PRKCQ: variants seen among roughly 807,000 people sequenced by gnomAD.
The protein encoded by PRKCQ is protein kinase C theta, also known as protein kinase C theta type.
PRKCQ carries 41 observed loss-of-function variants against 91.2 expected under a neutral mutation model. That is an observed-to-expected ratio of 0.45 (90% confidence interval 0.35 to 0.58). PRKCQ has a LOEUF of 0.58. Among genes scored for constraint, PRKCQ ranks in the 20% least tolerant of loss-of-function variants. The pLI, the probability that PRKCQ is intolerant of heterozygous loss-of-function variation, is 0.00. For synonymous variants in PRKCQ, 307 were observed against 316.9 expected (o/e 0.97, Z 0.33); for missense variants, 673 against 896.5 (o/e 0.75, Z 3.18).
intron 1 of PRKCQ, among the ~76,000 whole-genome samples, chr10:6,559,858 A>G (rs1167919891): frequency 6.6e-6 from 1 of 151,978 alleles, no homozygotes; most frequent in African/African-American, 2.4e-5. Context: ...GATACATCAT[A>G]TTTTGCATAT....
At chr10:6,577,112 C>T (rs1841268851) in intron 1 of PRKCQ, among the ~76,000 whole-genome samples, 2 of 152,082 alleles carry the variant, frequency 1.3e-5, no homozygotes, top group Non-Finnish European at 2.9e-5. Flanking sequence ...CTACAGCAAC[C>T]TGCAGAAAGA....
intron 4 of PRKCQ, among the ~76,000 whole-genome samples, chr10:6,498,978 T>C (rs1837764750): frequency 6.6e-6 from 1 of 152,170 alleles, no homozygotes; most frequent in Non-Finnish European, 1.5e-5. Flanking sequence ...GAGAATCACA[T>C]GGTTACTGAC....
At position 6,446,618 on chromosome 10, in the gene PRKCQ, C is replaced by T. The variant is rs573895633; in HGVS notation, c.1648-4537G>A. On this transcript the variant is annotated intron_variant, in intron 15 of 17. Coordinates refer to ENST00000263125, the MANE Select transcript of PRKCQ (RefSeq NM_006257.5). Reference sequence around the variant, plus strand: ...TGACCTCAGGTGATCCGCCTACCTCCGCCTCCCAAAGTCCTGGGATTATAG... The same window carrying T: ...TGACCTCAGGTGATCCGCCTACCTCTGCCTCCCAAAGTCCTGGGATTATAG... Among the ~76,000 whole-genome samples the T allele has an allele frequency of 5.3e-5, 8 of 152,120 alleles. No individual in the cohort carries two copies. The South Asian group carries it at 6.2e-4, about 12-fold the overall frequency.
At chr10:6,492,563 TG>T (rs971706051) in intron 7 of PRKCQ, among the ~76,000 whole-genome samples, 30 of 152,306 alleles carry the variant, frequency 2.0e-4, no homozygotes, top group African/African-American at 6.3e-4. Flanking sequence ...TCTATAAGCT[TG>T]GCAGTCAGAA....
chr10:6,568,558 C>T (rs976164045), intron 1 of PRKCQ, among the ~76,000 whole-genome samples: 4 of 148,500 alleles, frequency 2.7e-5, no homozygotes, highest in African/African-American at 1.0e-4. Context: ...ACTGCAGTGG[C>T]GTGATCTTGG....
At chr10:6,495,387 G>T (rs1050451829) in intron 7 of PRKCQ, among the ~76,000 whole-genome samples, 4 of 152,112 alleles carry the variant, frequency 2.6e-5, no homozygotes, top group Admixed American at 2.6e-4. Context: ...GAACACATTG[G>T]ACTCTCCCTC....
chr10:6,555,675 G>A (rs760892118), intron 1 of PRKCQ, among the ~76,000 whole-genome samples: 5 of 152,062 alleles, frequency 3.3e-5, no homozygotes, highest in African/African-American at 4.8e-5. Context: ...TAATAATAAG[G>A]TTTTATAAAT....
chr10:6,544,495 A>C (rs1418314321), intron 1 of PRKCQ, among the ~76,000 whole-genome samples: 1 of 152,218 alleles, frequency 6.6e-6, no homozygotes, highest in Non-Finnish European at 1.5e-5. Flanking sequence ...GACATTGATA[A>C]ATGGAGATAA....
intron 1 of PRKCQ, among the ~76,000 whole-genome samples, chr10:6,574,692 A>C (rs1841163131): frequency 6.6e-6 from 1 of 152,248 alleles, no homozygotes; most frequent in Non-Finnish European, 1.5e-5. Context: ...GGTTAAGGTC[A>C]TATGGCAAAT....
chr10:6,406,140 A>C, the PRKCQ span, among the ~76,000 whole-genome samples: 1 of 152,190 alleles, frequency 6.6e-6, no homozygotes, highest in Non-Finnish European at 1.5e-5. Context: ...TAAGGAGTGA[A>C]ATCTAAAGCA....
chr10:6,459,311 C>T (rs1835196156), intron 14 of PRKCQ, among the ~76,000 whole-genome samples: 2 of 152,204 alleles, frequency 1.3e-5, no homozygotes, highest in African/African-American at 4.8e-5. Flanking sequence ...ATCCATTCAT[C>T]ATCAATCCAT....
At chr10:6,415,405 CATATATATATAT>C in the PRKCQ span, among the ~76,000 whole-genome samples, 767 of 104,748 alleles carry the variant, frequency 7.3e-3, 10 homozygotes, top group African/African-American at 0.01. Flanking sequence ...CAAGAAAATA[CATATATATATAT>C]ATATATATAT....
At chr10:6,571,797 C>G (rs1403680318) in intron 1 of PRKCQ, among the ~76,000 whole-genome samples, 1 of 152,066 alleles carries the variant, frequency 6.6e-6, no homozygotes, top group South Asian at 2.1e-4. Context: ...GAACAAGACC[C>G]TGCCTCAAAA....
the PRKCQ span, among the ~76,000 whole-genome samples, chr10:6,397,319 T>G: frequency 6.6e-6 from 1 of 152,182 alleles, no homozygotes; most frequent in Non-Finnish European, 1.5e-5. Flanking sequence ...GGTCTCGAAC[T>G]CCTGACATCA....
chr10:6,518,839 A>C (rs946796400), intron 1 of PRKCQ, among the ~76,000 whole-genome samples: 1 of 152,178 alleles, frequency 6.6e-6, no homozygotes. Context: ...AGAAAAGAAA[A>C]GAAAAATATA....
Position 6,507,498 on chromosome 10 carries a change from T to C in PRKCQ, c.319-2A>G, listed in dbSNP as rs1271365039. ...TCGGCCTTGAGGTTTCAGCTCTAAC[T>C]GGTTGGGAGAAGGAGAGAAACATCA... On this transcript the variant is annotated splice_acceptor_variant, in intron 3 of 17. Coordinates refer to ENST00000263125, the MANE Select transcript of PRKCQ (RefSeq NM_006257.5). LOFTEE classifies it high-confidence loss of function. The C allele has an allele frequency of 1.2e-6, 2 of 1,613,114 alleles. No homozygotes were observed. Among genetic ancestry groups the C allele is most frequent in the African/African-American group, 2.7e-5 (2 of 74,906 alleles).
At chr10:6,571,163 C>A (rs940259958) in intron 1 of PRKCQ, among the ~76,000 whole-genome samples, 2 of 151,962 alleles carry the variant, frequency 1.3e-5, no homozygotes, top group Non-Finnish European at 2.9e-5. Flanking sequence ...ATTTGCAGAG[C>A]GGCGTGTTTT....
chr10:6,438,582 T>C (rs1444767989), intron 16 of PRKCQ, among the ~76,000 whole-genome samples: 2 of 152,168 alleles, frequency 1.3e-5, no homozygotes, highest in Non-Finnish European at 2.9e-5. Context: ...CCACTTCCTT[T>C]AGATGTGCTA....
chr10:6,507,112 T>TAC (rs1304989667), intron 4 of PRKCQ, among the ~76,000 whole-genome samples: 1 of 152,238 alleles, frequency 6.6e-6, no homozygotes, highest in African/African-American at 2.4e-5. Flanking sequence ...AGACAATGTG[T>TAC]ACACACATAA....
Sources: allele counts gnomAD v4.1 joint callset (sites outside exome capture counted in the v4.1 genomes callset), GRCh38; gene constraint gnomAD v4.1.1; transcripts MANE v1.5; gene names NCBI Gene and HGNC (gene_info 2026-07-23, HGNC 2026-07-21).